The following TDRD10 variants were observed in gnomAD, a reference collection of about 807,000 sequenced individuals.
TDRD10 encodes tudor domain containing 10.
In TDRD10, 40 loss-of-function variants were observed where a neutral mutation model predicts 48.0. The ratio of observed to expected loss-of-function variants is 0.83; its 90% confidence interval spans 0.65 to 1.09. The LOEUF (loss-of-function observed/expected upper bound fraction) is 1.09, where lower values mean the gene tolerates loss of function less well. Ranked by LOEUF, TDRD10 falls within the 50% of genes least tolerant of loss-of-function variation. TDRD10 has a pLI of 0.00. For synonymous variants in TDRD10, 162 were observed against 170.4 expected (o/e 0.95, Z 0.38); for missense variants, 378 against 434.7 (o/e 0.87, Z 1.16).
intron 6 of TDRD10, among the ~76,000 whole-genome samples, chr1:154,528,659 A>AAAT (rs138686500): frequency 0.79 from 119,099 of 151,684 alleles, 47,473 homozygotes; most frequent in East Asian, 0.92. Context: ...TCTCTACTAA[A>AAAT]ACAAAAATTA....
At position 154,502,257 on chromosome 1, in the gene TDRD10, T is replaced by A; in HGVS notation, c.-800T>A. The A allele has an allele frequency of 4.2e-6, 1 of 236,820 alleles. No homozygotes were observed. The highest frequency in any genetic ancestry group is 7.9e-6 in the Non-Finnish European group (1 of 126,780). The allele number at this position is 236,820 out of a possible 1,614,324, so 14.7% of individuals were successfully genotyped here. ...GCCCGGCCCGAGGACACCGTGGCTC[T>A]CGGAGGCGGCGGGCGCCGGGGGCTT... On this transcript the variant is annotated 5_prime_UTR_variant, in exon 1 of 13. Coordinates refer to ENST00000368482, the MANE Select transcript of TDRD10 (RefSeq NM_182499.4).
chr1:154,544,599 T>A, intron 10 of TDRD10, 82 bp downstream of exon 10: 1 of 1,527,972 alleles, frequency 6.5e-7, no homozygotes, highest in Non-Finnish European at 8.8e-7. Flanking sequence ...TCCTTTGGGC[T>A]CTGGTTTTTT....
chr1:154,539,319 T>C (rs1462861517), intron 6 of TDRD10, among the ~76,000 whole-genome samples: 1 of 152,174 alleles, frequency 6.6e-6, no homozygotes, highest in Non-Finnish European at 1.5e-5. Context: ...TTTCTTTTTT[T>C]TAAACAGAGT....
At chr1:154,532,840 T>C (rs1166565687) in intron 6 of TDRD10, among the ~76,000 whole-genome samples, 2 of 152,214 alleles carry the variant, frequency 1.3e-5, no homozygotes, top group Admixed American at 6.5e-5. Flanking sequence ...TCAGGCTCCC[T>C]ACTCAGCCTC....
In TDRD10 at chr1:154,506,748, C is replaced by T. The variant is rs576825139; in HGVS notation, c.-27-129C>T. ...GTGAAATCTAATACATTCATAGGTTCTAGGGATTAGGATGTGGACCACTTT... is the reference window on the plus strand; with the variant it reads ...GTGAAATCTAATACATTCATAGGTTTTAGGGATTAGGATGTGGACCACTTT... On this transcript the variant is annotated intron_variant, in intron 1 of 12. Transcript: ENST00000368482. 14 of 768,278 alleles carry T rather than the reference C, an allele frequency of 1.8e-5. No individual in the cohort carries two copies. The East Asian group carries it at 3.3e-4, about 18-fold the overall frequency. 47.6% of individuals were successfully genotyped at this position (768,278 alleles called of 1,614,324 possible). A position where few individuals can be genotyped will look rare whatever the true frequency, so the allele number is the denominator to read the frequency against.
intron 11 of TDRD10, 104 bp from the exon 12 acceptor site, chr1:154,547,304 CG>C: frequency 8.5e-7 from 1 of 1,181,266 alleles, no homozygotes; most frequent in Non-Finnish European, 1.2e-6. Flanking sequence ...AGCTGGTTGG[CG>C]GCCAGAGCAC....
chr1:154,517,636 A>C (rs1693847324), intron 4 of TDRD10, among the ~76,000 whole-genome samples: 1 of 152,064 alleles, frequency 6.6e-6, no homozygotes, highest in African/African-American at 2.4e-5. Context: ...TGGTCAGGCT[A>C]GTCTCAAACT....
intron 8 of TDRD10, among the ~76,000 whole-genome samples, chr1:154,543,291 TAAAAC>T (rs578218841): frequency 4.2e-4 from 64 of 151,916 alleles, no homozygotes; most frequent in African/African-American, 1.4e-3. Flanking sequence ...AATAAATAAA[TAAAAC>T]AAAATGATAA....
At chr1:154,535,121 C>A (rs1694851352) in intron 6 of TDRD10, among the ~76,000 whole-genome samples, 1 of 152,122 alleles carries the variant, frequency 6.6e-6, no homozygotes, top group African/African-American at 2.4e-5. Flanking sequence ...AAGGGTAGCA[C>A]TTTGGGAGGC....
intron 6 of TDRD10, among the ~76,000 whole-genome samples, chr1:154,532,625 G>T (rs1284176688): frequency 1.3e-5 from 2 of 152,176 alleles, no homozygotes; most frequent in East Asian, 1.9e-4. Context: ...CTGCCAGCAC[G>T]CTGTCGCCTC....
At chr1:154,522,227 A>G (rs1694097065) in intron 6 of TDRD10, among the ~76,000 whole-genome samples, 1 of 152,198 alleles carries the variant, frequency 6.6e-6, no homozygotes, top group South Asian at 2.1e-4. Flanking sequence ...GGGGAGAAGC[A>G]GAGGGCAAAA....
chr1:154,517,632 G>C (rs1358356276), intron 4 of TDRD10, among the ~76,000 whole-genome samples: 1 of 152,084 alleles, frequency 6.6e-6, no homozygotes, highest in Admixed American at 6.6e-5. Context: ...ATGTTGGTCA[G>C]GCTAGTCTCA....
chr1:154,546,391 A>AAT (rs1454271088), intron 11 of TDRD10, among the ~76,000 whole-genome samples: 1 of 98,426 alleles, frequency 1.0e-5, no homozygotes, highest in African/African-American at 3.3e-5. Flanking sequence ...ATATATATAA[A>AAT]ATATATGTAT....
In TDRD10 at chr1:154,547,830, C is replaced by A; in HGVS notation, c.*120C>A. 1 of 1,258,836 alleles carries A rather than the reference C, an allele frequency of 7.9e-7. No individual in the cohort carries two copies. The highest frequency in any genetic ancestry group is 1.5e-5 in the African/African-American group (1 of 66,808). The allele number at this position is 1,258,836 out of a possible 1,614,324, so 78.0% of individuals were successfully genotyped here. On this transcript the variant is annotated 3_prime_UTR_variant, in exon 13 of 13. Transcript: ENST00000368482. ...GGAGGTGAAAAAGGCCAGACTGTGC[C>A]CAGGATTGATTCAATTTTGCTTTTA...
At chr1:154,511,800 A>G (rs1420169031) in intron 4 of TDRD10, among the ~76,000 whole-genome samples, 1 of 152,108 alleles carries the variant, frequency 6.6e-6, no homozygotes, top group Non-Finnish European at 1.5e-5. Context: ...ATGAGCCGAG[A>G]TTGCGCCATT....
chr1:154,544,279 G>A (rs958241818), intron 9 of TDRD10, 93 bp from the exon 10 acceptor site: 36 of 1,538,952 alleles, frequency 2.3e-5, no homozygotes, highest in East Asian at 4.9e-5. Flanking sequence ...GCCTTGGGAC[G>A]GATTAGCGGT....
At chr1:154,517,618 C>T (rs1429593892) in intron 4 of TDRD10, among the ~76,000 whole-genome samples, 1 of 152,106 alleles carries the variant, frequency 6.6e-6, no homozygotes, top group Non-Finnish European at 1.5e-5. Flanking sequence ...GACGGGGTTT[C>T]ACCATGTTGG....
In TDRD10 at chr1:154,503,039, G is replaced by A. The variant is rs1014953837; in HGVS notation, c.-28+10G>A. ...TGGCCCGCGAGACGAGGTATGGCTT[G>A]TCGGCCCCAGGTCCCGGGATGCCAG... On this transcript the variant is annotated intron_variant, in intron 1 of 12. Transcript: ENST00000368482. The A allele has an allele frequency of 6.6e-6, 1 of 152,086 alleles. No homozygotes were observed. Among genetic ancestry groups the A allele is most frequent in the South Asian group, 2.1e-4 (1 of 4,838 alleles). 9.4% of individuals were successfully genotyped at this position (152,086 alleles called of 1,614,324 possible).
intron 9 of TDRD10, 51 bp from the exon 10 acceptor site, chr1:154,544,321 G>C (rs1288862093): frequency 6.4e-7 from 1 of 1,552,844 alleles, no homozygotes; most frequent in Non-Finnish European, 8.7e-7. Flanking sequence ...TACGGAGGCA[G>C]ATTTGTAATG....
Sources: gnomAD v4.1 joint callset for allele counts (sites outside exome capture counted in the v4.1 genomes callset) on GRCh38, gnomAD v4.1.1 for gene constraint, MANE v1.5 for transcripts, NCBI Gene and HGNC (gene_info 2026-07-23, HGNC 2026-07-21) for gene names.